TMEM202: variants seen among roughly 807,000 people sequenced by gnomAD.
TMEM202 encodes the protein transmembrane protein 202.
In TMEM202, 25 loss-of-function variants were observed where a neutral mutation model predicts 26.1. The ratio of observed to expected loss-of-function variants is 0.96; its 90% confidence interval spans 0.70 to 1.34. The LOEUF (loss-of-function observed/expected upper bound fraction) is 1.34, where lower values mean the gene tolerates loss of function less well. Ranked by LOEUF, TMEM202 falls within the 40% of genes most tolerant of loss-of-function variation. The probability of loss-of-function intolerance (pLI) is 0.00; values close to 1 mark genes in which losing one functional copy is unlikely to be tolerated. For missense variants in TMEM202, 301 were observed against 327.7 expected (o/e 0.92, Z 0.63); for synonymous variants, 122 against 119.0 (o/e 1.02, Z -0.16).
In TMEM202 at chr15:72,407,075, T is replaced by A; in HGVS notation, c.488-11T>A. The A allele has an allele frequency of 6.2e-7, 1 of 1,611,418 alleles. No homozygotes were observed. The highest frequency in any genetic ancestry group is 8.5e-7 in the Non-Finnish European group (1 of 1,179,500). ...GCTGATGGGTTGTGACATCTTTCCT[T>A]CTGGTCCTAGCTACCTGCTTGCTCC... On this transcript the variant is annotated splice_polypyrimidine_tract_variant and intron_variant, in intron 3 of 4. Transcript: ENST00000341689.
intron 2 of TMEM202, among the ~76,000 whole-genome samples, chr15:72,399,896 A>T (rs1194324390): frequency 3.9e-5 from 6 of 152,236 alleles, no homozygotes. Flanking sequence ...TGAGTAAAGC[A>T]TCTATTCTCA....
intron 2 of TMEM202, 107 bp downstream of exon 2, chr15:72,399,015 C>CTTGGAGAGGTGAAGG: frequency 1.5e-6 from 2 of 1,333,228 alleles, no homozygotes; most frequent in Non-Finnish European, 2.1e-6. Flanking sequence ...TTGGCCTTCA[C>CTTGGAGAGGTGAAGG]CTCTCCAAGT....
At chr15:72,398,517 T>A (rs553188669) in intron 1 of TMEM202, 110 bp downstream of exon 1, 3 of 408,416 alleles carry the variant, frequency 7.3e-6, no homozygotes, top group Non-Finnish European at 1.1e-5. Context: ...AATTGTGGGG[T>A]TTTTTTTTTT....
At chr15:72,404,831 GC>G (rs1005361458) in intron 2 of TMEM202, among the ~76,000 whole-genome samples, 8 of 152,312 alleles carry the variant, frequency 5.3e-5, no homozygotes, top group African/African-American at 1.9e-4. Flanking sequence ...GGCTGCTAGA[GC>G]TCATGGAGGA....
rs750172737 is a variant in TMEM202, at chr15:72,398,781, G to A, written c.210G>A (p.Met70Ile). 4.3e-6 allele frequency: 7 copies of A among 1,614,160 alleles called. No individual in the cohort carries two copies. The Admixed American group carries it at 1.2e-4, about 27-fold the overall frequency. Residue 70 changes from methionine (M) to isoleucine (I), a missense_variant, in exon 2 of 5, where the codon ATG becomes ATA. Transcript: ENST00000341689. ...GCCTCTGTAGTTTTAGCCTCCTAAT[G>A]CTGATCGCCATGTCCCCACTGAACT... ...CGSLCSFSLL[M>I]LIAMSPLNWV...
In TMEM202 at chr15:72,408,129, T is replaced by C. The variant is rs2063582500; in HGVS notation, c.*236T>C. The C allele has an allele frequency of 8.6e-6, 4 of 465,062 alleles. No individual in the cohort carries two copies. The South Asian group carries it at 1.0e-4, about 12-fold the overall frequency. The allele number at this position is 465,062 out of a possible 1,614,324, so 28.8% of individuals were successfully genotyped here. A position where few individuals can be genotyped will look rare whatever the true frequency, so the allele number is the denominator to read the frequency against. ...AAGAAAACAACAATGTTTAGAGTCATGAATGAAAGAAACTAGTGAAAGATG... is the reference window on the plus strand; with the variant it reads ...AAGAAAACAACAATGTTTAGAGTCACGAATGAAAGAAACTAGTGAAAGATG... On this transcript the variant is annotated 3_prime_UTR_variant, in exon 5 of 5. Coordinates refer to ENST00000341689, the MANE Select transcript of TMEM202 (RefSeq NM_001080462.3).
At chr15:72,398,966 A>G (rs1191727585) in intron 2 of TMEM202, 58 bp downstream of exon 2, 1 of 1,559,382 alleles carries the variant, frequency 6.4e-7, no homozygotes, top group Non-Finnish European at 8.7e-7. Context: ...CTTTCTGCTC[A>G]CACAAATTGG....
At chr15:72,401,642 AAAGAAAATC>A (rs1394587158) in intron 2 of TMEM202, among the ~76,000 whole-genome samples, 2 of 152,230 alleles carry the variant, frequency 1.3e-5, no homozygotes, top group Non-Finnish European at 2.9e-5. Context: ...TTATGCAGAT[AAAGAAAATC>A]AAGGAAATCA....
intron 3 of TMEM202, 28 bp downstream of exon 3, chr15:72,406,779 T>C: frequency 6.2e-7 from 1 of 1,609,212 alleles, no homozygotes; most frequent in Non-Finnish European, 8.5e-7. Flanking sequence ...CAGGGTATTT[T>C]ACCATGGTAA....
chr15:72,399,643 A>G (rs569350172), intron 2 of TMEM202, among the ~76,000 whole-genome samples: 4 of 152,380 alleles, frequency 2.6e-5, no homozygotes, highest in Admixed American at 1.3e-4. Flanking sequence ...GATATGTGGT[A>G]TAACAAATGC....
chr15:72,407,096 G>T lies in TMEM202; in HGVS notation c.498G>T (p.Leu166Phe). The T allele has an allele frequency of 2.5e-6, 4 of 1,612,150 alleles. No individual in the cohort carries two copies. The highest frequency in any genetic ancestry group is 8.5e-7 in the Non-Finnish European group (1 of 1,179,726). Residue 166 changes from leucine to phenylalanine, a missense_variant, in exon 4 of 5, where the codon TTG (leucine) becomes TTT (phenylalanine). Transcript: ENST00000341689. Reference protein sequence around the residue: ...SMLSFISATCLLLCLNLFVAQ... With the variant: ...SMLSFISATCFLLCLNLFVAQ... ...TCCTTCTGGTCCTAGCTACCTGCTT[G>T]CTCCTCTGCCTCAACCTGTTTGTGG...
rs113026067 is a variant in TMEM202 at position 72,407,144 on chromosome 15, G to C, written c.546G>C (p.Arg182Ser). 3 of 1,613,310 alleles carry C rather than the reference G, an allele frequency of 1.9e-6. No individual in the cohort carries two copies. In the African/African-American group the frequency reaches 4.0e-5, roughly 22 times the overall value. ...TGGCACAGGTTCACTGGCATACTAG[G>C]GATGCCATGGAGTCAGATCTCCTAT... is the stretch of plus-strand genomic sequence containing the variant. The part of the protein sequence containing the change: ...LFVAQVHWHT[R>S]DAMESDLLWT... The change falls in exon 4 of 5, where the codon AGG becomes AGC. Residue 182 changes from arginine (R) to serine (S), a missense_variant. Physicochemically the swap from Arg to Ser is moderately radical, Grantham distance 110. Coordinates refer to ENST00000341689, the MANE Select transcript of TMEM202 (RefSeq NM_001080462.3).
intron 2 of TMEM202, among the ~76,000 whole-genome samples, chr15:72,405,726 G>A (rs945946117): frequency 2.6e-5 from 4 of 152,122 alleles, no homozygotes; most frequent in African/African-American, 9.7e-5. Context: ...GGTGGCTCAC[G>A]CCTTTAATCC....
intron 2 of TMEM202, among the ~76,000 whole-genome samples, chr15:72,405,804 A>G (rs1033352505): frequency 6.6e-6 from 1 of 152,182 alleles, no homozygotes; most frequent in African/African-American, 2.4e-5. Context: ...CCTGGCCAAC[A>G]TGGTGAAACC....
rs564714173 is a variant in TMEM202 at position 72,398,652 on chromosome 15, G to A, written c.82-1G>A. The A allele has an allele frequency of 2.5e-6, 4 of 1,613,924 alleles. No homozygotes were observed. Among genetic ancestry groups the A allele is most frequent in the African/African-American group, 2.7e-5 (2 of 75,012 alleles). On this transcript the variant is annotated splice_acceptor_variant, in intron 1 of 4. Transcript: ENST00000341689. LOFTEE classifies it high-confidence loss of function. ...AGGCAATATTTCCCTCATCCTTGTA[G>A]CCTACCGTCCCTGCCAAGAAACATC...
chr15:72,399,600 C>T (rs935862871), intron 2 of TMEM202, among the ~76,000 whole-genome samples: 2 of 152,156 alleles, frequency 1.3e-5, no homozygotes, highest in Non-Finnish European at 2.9e-5. Context: ...TTGTTCTTCT[C>T]CTAGCAGTGG....
At chr15:72,402,415 T>C (rs2063551901) in intron 2 of TMEM202, among the ~76,000 whole-genome samples, 1 of 152,200 alleles carries the variant, frequency 6.6e-6, no homozygotes, top group Non-Finnish European at 1.5e-5. Flanking sequence ...CAGGTGTGTT[T>C]AAGAATGTGC....
chr15:72,402,340 T>C (rs1333017441), intron 2 of TMEM202, among the ~76,000 whole-genome samples: 2 of 152,216 alleles, frequency 1.3e-5, no homozygotes, highest in African/African-American at 4.8e-5. Context: ...ATTGCAAGAA[T>C]TTCGTTCCCC....
intron 2 of TMEM202, among the ~76,000 whole-genome samples, chr15:72,406,286 A>G (rs2063570802): frequency 6.6e-6 from 1 of 152,154 alleles, no homozygotes. Flanking sequence ...TCTTTTGAAT[A>G]CTTATGTTGA....
Sources: gnomAD v4.1 joint callset for allele counts (sites outside exome capture counted in the v4.1 genomes callset) on GRCh38, gnomAD v4.1.1 for gene constraint, MANE v1.5 for transcripts, NCBI Gene and HGNC (gene_info 2026-07-23, HGNC 2026-07-21) for gene names.